Variants in MYB observed in about 807,000 individuals in gnomAD.
MYB encodes transcriptional activator Myb.
A neutral mutation model predicts 92.9 loss-of-function variants in MYB; 28 were observed. The ratio of observed to expected loss-of-function variants is 0.30; its 90% confidence interval spans 0.22 to 0.41. The LOEUF (loss-of-function observed/expected upper bound fraction) is 0.41, where lower values mean the gene tolerates loss of function less well. MYB is among the 10% of genes least tolerant of loss of function. MYB has a pLI of 1.00. For synonymous variants in MYB, 295 were observed against 329.1 expected (o/e 0.90, Z 1.12); for missense variants, 679 against 929.3 (o/e 0.73, Z 3.50).
At chr6:135,208,930 A>G (rs972027602) in intron 15 of MYB, among the ~76,000 whole-genome samples, 1 of 152,208 alleles carries the variant, frequency 6.6e-6, no homozygotes, top group Non-Finnish European at 1.5e-5. Flanking sequence ...TCTCTAGTCC[A>G]GTGCTGTCTA....
At chr6:135,187,809 C>T (rs1313115017) in intron 2 of MYB, 25 bp from the exon 3 acceptor site, 7 of 1,536,498 alleles carry the variant, frequency 4.6e-6, no homozygotes, top group Non-Finnish European at 6.3e-6. Flanking sequence ...AACTGATATC[C>T]TAGGATTACC....
Position 135,182,236 on chromosome 6 carries a change from AG to A in MYB, c.23+702del, listed in dbSNP as rs2128278659. On this transcript the variant is annotated intron_variant, in intron 1 of 15. Coordinates refer to ENST00000341911, the MANE Select transcript of MYB (RefSeq NM_001130173.2). This position sits in a 1 kb window ranked among gnomAD's most constrained non-coding sequence, Gnocchi z 5.6. ...GTCGCACATGTCACTGCACTTAGGG[AG>A]GCTCGCCGGGAAGATGGGTGCAGTC... Among the ~76,000 whole-genome samples the A allele has an allele frequency of 6.6e-6, 1 of 152,236 alleles. No homozygotes were observed. The highest frequency in any genetic ancestry group is 2.4e-5 in the African/African-American group (1 of 41,524).
chr6:135,206,192 C>T (rs1391310419), intron 15 of MYB, among the ~76,000 whole-genome samples: 1 of 115,332 alleles, frequency 8.7e-6, no homozygotes, highest in Non-Finnish European at 1.7e-5. Flanking sequence ...GGTGACTGAG[C>T]GAGACTCCAT....
chr6:135,213,494 A>G (rs949638129), intron 15 of MYB, among the ~76,000 whole-genome samples: 1 of 152,172 alleles, frequency 6.6e-6, no homozygotes, highest in Admixed American at 6.5e-5. Context: ...TCAAGTTGAA[A>G]ATAGATTCAG....
intron 15 of MYB, among the ~76,000 whole-genome samples, chr6:135,204,466 G>GT (rs927300097): frequency 7.4e-4 from 112 of 152,058 alleles, no homozygotes; most frequent in African/African-American, 2.6e-3. Context: ...CAACCCAGCC[G>GT]TTTTTTTGTA....
At chr6:135,187,189 A>T (rs1472415894) in intron 2 of MYB, among the ~76,000 whole-genome samples, 1 of 152,336 alleles carries the variant, frequency 6.6e-6, no homozygotes, top group Middle Eastern at 3.4e-3. Context: ...AAAAGAACTG[A>T]TTAGCTGGAA....
At chr6:135,192,266 A>C (rs2128292364) in intron 5 of MYB, 58 bp from the exon 6 acceptor site, 1 of 1,400,292 alleles carries the variant, frequency 7.1e-7, no homozygotes, top group Non-Finnish European at 1.0e-6. Context: ...CTGTCAATTC[A>C]CTTTAATCTG....
At chr6:135,203,091 G>A (rs1778361705) in intron 14 of MYB, 126 bp from the exon 15 acceptor site, 1 of 747,294 alleles carries the variant, frequency 1.3e-6, no homozygotes, top group Non-Finnish European at 2.3e-6. Context: ...ATTTCTGGCA[G>A]ATGACTGCAT....
chr6:135,194,951 G>A (rs1308462967), intron 8 of MYB: 1 of 1,327,596 alleles, frequency 7.5e-7, no homozygotes, highest in Admixed American at 2.1e-5. Context: ...TTATTTGCAT[G>A]TGTGAAAGTT....
At chr6:135,217,721 G>C (rs929368958) in intron 15 of MYB, 143 bp from the exon 16 acceptor site, 2 of 712,948 alleles carry the variant, frequency 2.8e-6, no homozygotes, top group Non-Finnish European at 5.0e-6. Flanking sequence ...CCGGATTTCT[G>C]GGGGCCAGGG....
intron 13 of MYB, 131 bp from the exon 14 acceptor site, chr6:135,201,508 T>A: frequency 3.9e-6 from 2 of 516,652 alleles, no homozygotes; most frequent in Non-Finnish European, 6.7e-6. Context: ...TAGAGCAAAT[T>A]GAGCTGATAG....
intron 15 of MYB, chr6:135,204,054 C>A (rs1778514653): frequency 3.8e-6 from 1 of 259,844 alleles, no homozygotes; most frequent in Non-Finnish European, 7.0e-6. Flanking sequence ...CTCCTCCATC[C>A]CCCTGTGCCA....
In MYB at chr6:135,181,640, G is replaced by C; in HGVS notation, c.23+104G>C. ...GGAATTCGTTCCGGGATCATCTGAG[G>C]GGCTGTCAGACCCTCCGAGGACCTG... On this transcript the variant is annotated intron_variant, in intron 1 of 15. Coordinates refer to ENST00000341911, the MANE Select transcript of MYB (RefSeq NM_001130173.2). The surrounding 1 kb of genome is among the most constrained non-coding windows in gnomAD (Gnocchi z 5.3). 1.2e-6 allele frequency: 1 copy of C among 850,198 alleles called. No homozygotes were observed. The highest frequency in any genetic ancestry group is 1.5e-6 in the Non-Finnish European group (1 of 666,302). The allele number at this position is 850,198 out of a possible 1,614,324, so 52.7% of individuals were successfully genotyped here. A position where few individuals can be genotyped will look rare whatever the true frequency, so the allele number is the denominator to read the frequency against.
chr6:135,203,212 T>C lies in MYB; in HGVS notation c.2062-5T>C, dbSNP rs758446764. 3 of 1,574,500 alleles carry C rather than the reference T, an allele frequency of 1.9e-6. No individual in the cohort carries two copies. Among genetic ancestry groups the C allele is most frequent in the South Asian group, 1.1e-5 (1 of 88,924 alleles). The stretch of plus-strand genomic sequence containing the variant: ...TTAAATTTCAAATTATTCTCTTCCC[T>C]TTAGAATATTCTTACAAGCTCCGTT... On this transcript the variant is annotated splice_region_variant and splice_polypyrimidine_tract_variant and intron_variant, in intron 14 of 15. Coordinates refer to ENST00000341911, the MANE Select transcript of MYB (RefSeq NM_001130173.2).
intron 15 of MYB, among the ~76,000 whole-genome samples, chr6:135,213,869 C>G (rs1354416307): frequency 1.3e-5 from 2 of 151,900 alleles, no homozygotes; most frequent in Non-Finnish European, 2.9e-5. Context: ...GCAAGACCCT[C>G]TCTCAAAAAC....
chr6:135,195,413 G>A (rs1777166464), intron 8 of MYB: 3 of 301,038 alleles, frequency 1.0e-5, no homozygotes, highest in Non-Finnish European at 6.3e-6. Context: ...TTCACTCACA[G>A]CAAGCATTTA....
At position 135,218,320 on chromosome 6, in the gene MYB, G is replaced by T; in HGVS notation, c.*340G>T. On this transcript the variant is annotated 3_prime_UTR_variant, in exon 16 of 16. Transcript: ENST00000341911. ...AGATCAGTATTTTTTCCTGTGATGG[G>T]TTTTTTGAAATTTGACACATTAAAA... The T allele has an allele frequency of 3.7e-6, 1 of 268,244 alleles. No homozygotes were observed. The highest frequency in any genetic ancestry group is 6.5e-5 in the South Asian group (1 of 15,502). 16.6% of individuals were successfully genotyped at this position (268,244 alleles called of 1,614,324 possible).
At chr6:135,197,434 G>A in intron 10 of MYB, 111 bp downstream of exon 10, 1 of 1,046,296 alleles carries the variant, frequency 9.6e-7, no homozygotes, top group East Asian at 2.4e-5. Flanking sequence ...TGCCTTTGCT[G>A]ATTTCATTCT....
chr6:135,193,476 A>G (rs1351387232), intron 6 of MYB, among the ~76,000 whole-genome samples: 2 of 152,190 alleles, frequency 1.3e-5, no homozygotes, highest in African/African-American at 4.8e-5. Context: ...TTTTATTTAC[A>G]AACAGCTGGT....
Sources: allele counts gnomAD v4.1 joint callset (sites outside exome capture counted in the v4.1 genomes callset), GRCh38; gene constraint gnomAD v4.1.1; non-coding constraint Gnocchi (gnomAD v3.1); transcripts MANE v1.5; gene names NCBI Gene and HGNC (gene_info 2026-07-23, HGNC 2026-07-21).